WDHD1: variants seen among roughly 807,000 people sequenced by gnomAD.
The protein encoded by WDHD1 is WD repeat and HMG-box DNA binding protein 1.
Under a neutral mutation model 135.4 loss-of-function variants are expected in WDHD1, and 111 were observed. The observed-to-expected ratio is 0.82, with a 90% confidence interval of 0.70 to 0.96. The LOEUF (loss-of-function observed/expected upper bound fraction) is 0.96. Among genes scored for constraint, WDHD1 ranks in the 40% least tolerant of loss-of-function variants. The pLI is 0.00. For missense variants in WDHD1, 1,351 were observed against 1,336.3 expected (o/e 1.01, Z -0.17); for synonymous variants, 434 against 439.0 (o/e 0.99, Z 0.14).
chr14:55,022,312 T>C (rs1393954298), intron 2 of WDHD1, among the ~76,000 whole-genome samples: 2 of 152,204 alleles, frequency 1.3e-5, no homozygotes, highest in Admixed American at 6.5e-5. Context: ...AGTAGCTTTA[T>C]AAATAATGGC....
chr14:54,971,755 A>T (rs1043908265), intron 16 of WDHD1, among the ~76,000 whole-genome samples: 1 of 151,440 alleles, frequency 6.6e-6, no homozygotes, highest in African/African-American at 2.4e-5. Context: ...ACAGAATGCA[A>T]GAAAATGTTC....
At chr14:55,017,951 T>C (rs1210969623) in intron 2 of WDHD1, among the ~76,000 whole-genome samples, 2 of 152,054 alleles carry the variant, frequency 1.3e-5, no homozygotes, top group African/African-American at 4.8e-5. Context: ...CAAATCAATG[T>C]GATATACAGA....
intron 4 of WDHD1, among the ~76,000 whole-genome samples, chr14:55,009,270 T>C (rs2042124373): frequency 6.6e-6 from 1 of 152,204 alleles, no homozygotes; most frequent in Non-Finnish European, 1.5e-5. Flanking sequence ...CTTAAGCTTC[T>C]ATTATTTGCT....
At chr14:55,017,026 A>G (rs1046046748) in intron 2 of WDHD1, among the ~76,000 whole-genome samples, 4 of 152,236 alleles carry the variant, frequency 2.6e-5, no homozygotes, top group African/African-American at 9.6e-5. Flanking sequence ...ATTAATTCCA[A>G]TAATAGTTTA....
chr14:54,983,747 G>C (rs2041654961), intron 15 of WDHD1, among the ~76,000 whole-genome samples: 1 of 151,908 alleles, frequency 6.6e-6, no homozygotes, highest in African/African-American at 2.4e-5. Flanking sequence ...TTGAACTCCT[G>C]GGCTCAAGTG....
intron 11 of WDHD1, among the ~76,000 whole-genome samples, chr14:54,991,996 G>A (rs1165311598): frequency 6.6e-6 from 1 of 152,178 alleles, no homozygotes; most frequent in African/African-American, 2.4e-5. Context: ...GCTCACACCT[G>A]TAATCCCAGC....
At chr14:54,974,224 C>T (rs2041485053) in intron 16 of WDHD1, among the ~76,000 whole-genome samples, 1 of 151,860 alleles carries the variant, frequency 6.6e-6, no homozygotes, top group African/African-American at 2.4e-5. Flanking sequence ...GAGCTCAAGA[C>T]CAGCTCGGGC....
intron 17 of WDHD1, among the ~76,000 whole-genome samples, chr14:54,967,059 C>G (rs565057177): frequency 1.3e-5 from 2 of 152,200 alleles, no homozygotes; most frequent in Admixed American, 1.3e-4. Context: ...GGGTCTCTGA[C>G]AGTCACACCC....
intron 2 of WDHD1, among the ~76,000 whole-genome samples, chr14:55,022,226 GT>G (rs1364455763): frequency 6.6e-6 from 1 of 152,150 alleles, no homozygotes; most frequent in East Asian, 1.9e-4. Context: ...AGAAAAGAAG[GT>G]TCTCATTGTC....
chr14:55,000,449 C>G, intron 10 of WDHD1, 54 bp downstream of exon 10: 2 of 1,495,668 alleles, frequency 1.3e-6, no homozygotes, highest in Non-Finnish European at 1.8e-6. Flanking sequence ...TCTTCCAAAT[C>G]CATATGATCA....
rs928069301 is a variant in WDHD1, at chr14:55,000,874, A to G, written c.800+12T>C. On this transcript the variant is annotated intron_variant, in intron 9 of 25. Transcript: ENST00000360586. ...TGAGCAAAGAAGAGACAAAAGATAC[A>G]CTAAATCATACCTTTCCATGCAGTC... 4 of 1,514,220 alleles carry G rather than the reference A, an allele frequency of 2.6e-6. No individual in the cohort carries two copies. In the African/African-American group the frequency reaches 4.2e-5, roughly 16 times the overall value. 93.8% of individuals were successfully genotyped at this position (1,514,220 alleles called of 1,614,324 possible).
intron 12 of WDHD1, among the ~76,000 whole-genome samples, chr14:54,990,539 T>A (rs963407905): frequency 2.7e-5 from 4 of 148,472 alleles, no homozygotes; most frequent in Non-Finnish European, 3.0e-5. Context: ...GAGCTTGCAG[T>A]GAGCAGAGAT....
chr14:54,995,809 G>C lies in WDHD1; in HGVS notation c.947C>G (p.Ser316Cys), dbSNP rs756368489. 1.8e-5 allele frequency: 28 copies of C among 1,565,406 alleles called. No homozygotes were observed. The highest frequency in any genetic ancestry group is 2.4e-5 in the Non-Finnish European group (28 of 1,157,056). The change falls in exon 11 of 26, where the codon TCT becomes TGT. Residue 316 changes from serine to cysteine, a missense_variant. Around this residue, in one of 2 missense-constraint regions of WDHD1, gnomAD observed 1,330 missense variants for 1,296.1 expected, o/e 1.03. Coordinates refer to ENST00000360586, the MANE Select transcript of WDHD1 (RefSeq NM_007086.4). ...PSGKTSSSKVSSRVEKDYNDL... is the reference protein window; with the variant it reads ...PSGKTSSSKVCSRVEKDYNDL... The stretch of plus-strand genomic sequence containing the variant: ...ATTATAATCCTTTTCCACTCTGCTA[G>C]ATACCTTGAACAAATTAATACAAAT...
intron 17 of WDHD1, 61 bp downstream of exon 17, chr14:54,967,219 T>C (rs559679811): frequency 7.9e-7 from 1 of 1,261,302 alleles, no homozygotes; most frequent in East Asian, 2.4e-5. Context: ...AATTTTAAAG[T>C]GTGTGTATCA....
chr14:54,995,018 T>C (rs2041854046), intron 11 of WDHD1, among the ~76,000 whole-genome samples: 1 of 152,222 alleles, frequency 6.6e-6, no homozygotes, highest in Admixed American at 6.5e-5. Context: ...TCTTGCTCTG[T>C]TGCCCATGCT....
intron 24 of WDHD1, among the ~76,000 whole-genome samples, chr14:54,952,289 C>G (rs2041071133): frequency 6.6e-6 from 1 of 152,228 alleles, no homozygotes; most frequent in African/African-American, 2.4e-5. Flanking sequence ...GGAACTTCAG[C>G]AAAGTCTCAG....
intron 2 of WDHD1, among the ~76,000 whole-genome samples, chr14:55,026,330 AT>A (rs1277223528): frequency 1.3e-5 from 2 of 152,210 alleles, no homozygotes; most frequent in African/African-American, 4.8e-5. Flanking sequence ...TTAAAAAAAA[AT>A]AAGCAAAAAG....
At chr14:54,955,469 A>G in intron 24 of WDHD1, 92 bp downstream of exon 24, 1 of 1,283,326 alleles carries the variant, frequency 7.8e-7, no homozygotes. Context: ...TATTATTTGT[A>G]TTAAGGAATA....
intron 24 of WDHD1, among the ~76,000 whole-genome samples, chr14:54,948,057 G>T (rs1320358468): frequency 6.6e-6 from 1 of 151,840 alleles, no homozygotes; most frequent in East Asian, 2.0e-4. Flanking sequence ...CTCTACTAAA[G>T]ATACAAAATT....
Sources: gnomAD v4.1 joint callset for allele counts (sites outside exome capture counted in the v4.1 genomes callset) on GRCh38, gnomAD v4.1.1 for gene constraint, gnomAD v4.1.1 regional missense constraint, MANE v1.5 for transcripts, NCBI Gene and HGNC (gene_info 2026-07-23, HGNC 2026-07-21) for gene names.